The following CAPN3 variants were observed in gnomAD, a reference collection of about 807,000 sequenced individuals.
CAPN3 encodes the protein calpain 3.
CAPN3 carries 88 observed loss-of-function variants against 114.0 expected under a neutral mutation model. The observed-to-expected ratio is 0.77, with a 90% CI of 0.65 to 0.92. CAPN3 has a LOEUF of 0.92. Ranked by LOEUF, CAPN3 falls within the 40% of genes least tolerant of loss-of-function variation. The pLI, the probability that CAPN3 is intolerant of heterozygous loss-of-function variation, is 0.00. For synonymous variants in CAPN3, 386 were observed against 382.9 expected, an observed-to-expected ratio of 1.01 and a Z score of -0.09; for missense variants, 1,028 against 1,069.0, an observed-to-expected ratio of 0.96 and a Z score of 0.53.
rs1431505454 is a variant in CAPN3, at chr15:42,403,625, TCTAGAGGCTGGTTCTGGCTTGG to T, written c.1746-113_1746-92del. Reference sequence around the variant, plus strand: ...TGGGGTTGGGGTGTTCCAGGGGTTCTCTAGAGGCTGGTTCTGGCTTGGCTGCCAGGAAGCCGTGCACCAGAGC... The same window carrying T: ...TGGGGTTGGGGTGTTCCAGGGGTTCTCTGCCAGGAAGCCGTGCACCAGAGC... On this transcript the variant is annotated intron_variant, in intron 13 of 23. Coordinates refer to ENST00000397163, the MANE Select transcript of CAPN3 (RefSeq NM_000070.3). 5 of 943,602 alleles carry T rather than the reference TCTAGAGGCTGGTTCTGGCTTGG, an allele frequency of 5.3e-6. No homozygotes were observed. In the Admixed American group the frequency reaches 8.5e-5, roughly 16 times the overall value. The allele number at this position is 943,602 out of a possible 1,614,324, so 58.5% of individuals were successfully genotyped here. A position where few individuals can be genotyped will look rare whatever the true frequency, so the allele number is the denominator to read the frequency against.
chr15:42,373,214 T>C (rs556725886), intron 1 of CAPN3, among the ~76,000 whole-genome samples: 1 of 152,168 alleles, frequency 6.6e-6, no homozygotes, highest in South Asian at 2.1e-4. Flanking sequence ...AATAAATAAG[T>C]AAAGTCATTG....
intron 16 of CAPN3, chr15:42,408,980 C>T (rs2054112822): frequency 5.0e-6 from 2 of 401,452 alleles, no homozygotes; most frequent in South Asian, 2.4e-5. Flanking sequence ...CCTTCTTTGA[C>T]CTGCGGGCAC....
intron 23 of CAPN3, 56 bp from the exon 24 acceptor site, chr15:42,411,691 G>GGA (rs1555423364): frequency 2.4e-6 from 1 of 418,808 alleles, no homozygotes; most frequent in Non-Finnish European, 3.6e-6. Flanking sequence ...CCTAGGGCGG[G>GGA]GGGGGGGGGG....
At chr15:42,401,523 T>G in intron 10 of CAPN3, 118 bp from the exon 11 acceptor site, 1 of 579,906 alleles carries the variant, frequency 1.7e-6, no homozygotes, top group Non-Finnish European at 2.9e-6. Flanking sequence ...GTGTTTTCTG[T>G]TGATATTTCC....
chr15:42,370,944 C>T (rs1441952999), intron 1 of CAPN3, among the ~76,000 whole-genome samples: 1 of 152,098 alleles, frequency 6.6e-6, no homozygotes, highest in Non-Finnish European at 1.5e-5. Context: ...ATTCAAATCC[C>T]AGCTCCACCG....
At position 42,392,640 on chromosome 15, in the gene CAPN3, C is replaced by T. The variant is rs1489416145; in HGVS notation, c.947C>T (p.Thr316Ile). 1.2e-6 allele frequency: 2 copies of T among 1,612,974 alleles called. No individual in the cohort carries two copies. The highest frequency in any genetic ancestry group is 1.7e-6 in the Non-Finnish European group (2 of 1,179,146). ...PRGSDERPTR[T>I]IIPVQYETRM... ...GGTTCTCTGGTTACTGCTCTACAGA[C>T]AATCATTCCGGTTCAGTATGAGACA... The change falls in exon 7 of 24, where the codon ACA becomes ATA. Residue 316 changes from threonine to isoleucine, a missense_variant and splice_region_variant. By Grantham distance (89) the Thr-to-Ile change is moderately conservative (BLOSUM62 -1). Transcript: ENST00000397163.
At chr15:42,395,759 G>C (rs939470115) in intron 8 of CAPN3, among the ~76,000 whole-genome samples, 1 of 152,192 alleles carries the variant, frequency 6.6e-6, no homozygotes, top group African/African-American at 2.4e-5. Context: ...GATTCCCTTT[G>C]CTGCATCCCT....
chr15:42,412,037 C>A lies in CAPN3; in HGVS notation c.*264C>A. The A allele has an allele frequency of 6.6e-7, 1 of 1,516,416 alleles. No homozygotes were observed. Among genetic ancestry groups the A allele is most frequent in the South Asian group, 1.2e-5 (1 of 80,444 alleles). The allele number at this position is 1,516,416 out of a possible 1,614,324, so 93.9% of individuals were successfully genotyped here. A position where few individuals can be genotyped will look rare whatever the true frequency, so the allele number is the denominator to read the frequency against. ...GTGGAGGAAAGTGCCTGCCTCTGGT[C>A]CGAGCCGCCTCGGTTCTGAAGCGAG... On this transcript the variant is annotated 3_prime_UTR_variant, in exon 24 of 24. Coordinates refer to ENST00000397163, the MANE Select transcript of CAPN3 (RefSeq NM_000070.3).
At chr15:42,388,802 G>A in intron 4 of CAPN3, 126 bp from the exon 5 acceptor site, 1 of 830,482 alleles carries the variant, frequency 1.2e-6, no homozygotes, top group Admixed American at 1.7e-5. Flanking sequence ...TGAGCTCATA[G>A]GGTTAATGTG....
Position 42,388,998 on chromosome 15 carries a change from G to T in CAPN3, c.703G>T (p.Val235Leu), listed in dbSNP as rs1302248441. The T allele has an allele frequency of 1.2e-6, 2 of 1,614,016 alleles. No individual in the cohort carries two copies. Among genetic ancestry groups the T allele is most frequent in the South Asian group, 2.2e-5 (2 of 91,088 alleles). Residue 235 changes from valine (V) to leucine (L), a missense_variant, in exon 5 of 24, where the codon GTG (valine) becomes TTG (leucine). By Grantham distance (32) the Val-to-Leu change is conservative. Coordinates refer to ENST00000397163, the MANE Select transcript of CAPN3 (RefSeq NM_000070.3). ...GGCCATGGAGGACTTCACAGGAGGG[G>T]TGGCAGAGTTTTTTGAGATCAGGGA... is the stretch of plus-strand genomic sequence containing the variant. ...TEAMEDFTGG[V>L]AEFFEIRDAP...
At chr15:42,376,518 G>T (rs1431067301) in intron 1 of CAPN3, among the ~76,000 whole-genome samples, 1 of 149,056 alleles carries the variant, frequency 6.7e-6, no homozygotes, top group African/African-American at 2.5e-5. Context: ...GTTGGCTCCT[G>T]TGTCTATTTA....
Position 42,390,110 on chromosome 15 carries a change from C to A in CAPN3, c.945+14C>A. 1.2e-6 allele frequency: 2 copies of A among 1,614,064 alleles called. No individual in the cohort carries two copies. Among genetic ancestry groups the A allele is most frequent in the Non-Finnish European group, 1.7e-6 (2 of 1,179,968 alleles). On this transcript the variant is annotated intron_variant, in intron 6 of 23. Transcript: ENST00000397163. ...AGACCGACCCGGGTGTGTACACCTC[C>A]GATTATCAGAACTGACCATCCCTCC...
In CAPN3 at chr15:42,360,165, TCTCA is replaced by T. The variant is rs750176040; in HGVS notation, c.309+56_309+59del. ...GGGTTTTCCCCCCACGGAGGAGTCC[TCTCA>T]CTCAGCACCTCCGGCAGCTCAGCTG... On this transcript the variant is annotated intron_variant, in intron 1 of 23. Coordinates refer to ENST00000397163, the MANE Select transcript of CAPN3 (RefSeq NM_000070.3). The T allele has an allele frequency of 5.0e-6, 8 of 1,607,586 alleles. No individual in the cohort carries two copies. The East Asian group carries it at 1.3e-4, about 27-fold the overall frequency.
At chr15:42,379,522 TGAAA>T (rs2053182088) in intron 1 of CAPN3, among the ~76,000 whole-genome samples, 1 of 152,184 alleles carries the variant, frequency 6.6e-6, no homozygotes, top group African/African-American at 2.4e-5. Context: ...CTATAATTAC[TGAAA>T]GAGAGTGTTG....
Position 42,380,728 on chromosome 15 carries a change from CAT to C in CAPN3, c.310-3732_310-3731del, listed in dbSNP as rs1263058025. Among the ~76,000 whole-genome samples, 262 of 70,098 alleles carry C rather than the reference CAT, an allele frequency of 3.7e-3. 1 individual carries two copies. The highest frequency in any genetic ancestry group is 0.01 in the Middle Eastern group (1 of 98). The allele number at this position is 70,098 out of a possible 152,430, so 46.0% of individuals were successfully genotyped here. ...ACGGGGTCTCTCCCCCCACCTTCCC[CAT>C]ATATATATATATATATATATATTTT... is the stretch of plus-strand genomic sequence containing the variant. On this transcript the variant is annotated intron_variant, in intron 1 of 23. Transcript: ENST00000397163.
rs1470114261 is a variant in CAPN3, at chr15:42,409,127, C to T, written c.1915-176C>T. On this transcript the variant is annotated intron_variant, in intron 16 of 23. Transcript: ENST00000397163. ...CAGGGCTGGAGAGGTGTGAAGAGTC[C>T]CTGAGGCCTCGATGCATCTCACTCC... 2.4e-5 allele frequency: 16 copies of T among 661,666 alleles called. No individual in the cohort carries two copies. In the East Asian group the frequency reaches 4.1e-4, roughly 17 times the overall value. 41.0% of individuals were successfully genotyped at this position (661,666 alleles called of 1,614,324 possible). A position where few individuals can be genotyped will look rare whatever the true frequency, so the allele number is the denominator to read the frequency against.
chr15:42,402,512 G>T, intron 12 of CAPN3: 5 of 1,433,864 alleles, frequency 3.5e-6, no homozygotes, highest in Non-Finnish European at 4.6e-6. Context: ...CCTCCTTGGG[G>T]GTCCTTCCAG....
intron 1 of CAPN3, among the ~76,000 whole-genome samples, chr15:42,379,942 C>T (rs1035094494): frequency 6.6e-6 from 1 of 152,032 alleles, no homozygotes. Flanking sequence ...CATGGTGAAA[C>T]CCCATCTCTA....
chr15:42,379,753 C>T (rs576613726), intron 1 of CAPN3, among the ~76,000 whole-genome samples: 1 of 152,324 alleles, frequency 6.6e-6, no homozygotes, highest in East Asian at 1.9e-4. Flanking sequence ...GAAATTAATA[C>T]AACTCCAACT....
Sources: allele counts gnomAD v4.1 joint callset (sites outside exome capture counted in the v4.1 genomes callset), GRCh38; gene constraint gnomAD v4.1.1; transcripts MANE v1.5; gene names NCBI Gene and HGNC (gene_info 2026-07-23, HGNC 2026-07-21).